The following DMD variants were observed in gnomAD, a reference collection of about 807,000 sequenced individuals.
DMD encodes dystrophin.
In DMD, 63 loss-of-function variants were observed where a neutral mutation model predicts 330.1. The ratio of observed to expected loss-of-function variants is 0.19; its 90% CI spans 0.16 to 0.24. The LOEUF (loss-of-function observed/expected upper bound fraction) is 0.24. DMD is among the 10% of genes least tolerant of loss of function. DMD has a pLI of 1.00. For missense variants in DMD, 3,344 were observed against 2,684.1 expected, an observed-to-expected ratio of 1.25 and a Z score of -5.43; for synonymous variants, 1,223 against 959.8, an observed-to-expected ratio of 1.27 and a Z score of -5.07.
chrX:31,969,644 G>A (rs1367487465), intron 44 of DMD, among the ~76,000 whole-genome samples: 3 of 111,576 alleles, frequency 2.7e-5, no homozygotes, highest in African/African-American at 9.8e-5. Flanking sequence ...TGAGACTGAG[G>A]TAAAGCTCCC....
chrX:31,632,479 T>C (rs760956622), intron 54 of DMD, among the ~76,000 whole-genome samples: 1 of 112,073 alleles, frequency 8.9e-6, no homozygotes, highest in East Asian at 2.8e-4. Context: ...AAGAACTCAG[T>C]CTTCTGCTAA....
intron 43 of DMD, among the ~76,000 whole-genome samples, chrX:32,225,159 G>T (rs1302337509): frequency 3.6e-5 from 4 of 111,988 alleles, no homozygotes; most frequent in Non-Finnish European, 5.6e-5. Context: ...ATCTACAGCA[G>T]GTATTGGCAA....
chrX:32,178,769 C>T (rs986372521), intron 44 of DMD, among the ~76,000 whole-genome samples: 20 of 109,823 alleles, frequency 1.8e-4, no homozygotes, highest in African/African-American at 6.6e-4. Context: ...TCCTCCAGGT[C>T]CATCCATGTT....
At chrX:31,977,428 G>A (rs2095443807) in intron 44 of DMD, among the ~76,000 whole-genome samples, 1 of 110,962 alleles carries the variant, frequency 9.0e-6, no homozygotes, top group Non-Finnish European at 1.9e-5. Flanking sequence ...AGAATGGGAA[G>A]GCCTAGAAAT....
At chrX:32,489,965 A>C (rs1195300364) in intron 20 of DMD, among the ~76,000 whole-genome samples, 1 of 112,067 alleles carries the variant, frequency 8.9e-6, no homozygotes, top group Non-Finnish European at 1.9e-5. Flanking sequence ...ATACTTTCTG[A>C]GTTTATTTCC....
intron 47 of DMD, among the ~76,000 whole-genome samples, chrX:31,914,764 C>T (rs972276592): frequency 9.8e-5 from 11 of 111,679 alleles, no homozygotes; most frequent in African/African-American, 2.6e-4. Flanking sequence ...GAGGGGGCAG[C>T]GGGATGGTTA....
chrX:32,694,987 G>A (rs1410523875), intron 9 of DMD, among the ~76,000 whole-genome samples: 1 of 111,964 alleles, frequency 8.9e-6, no homozygotes, highest in African/African-American at 3.2e-5. Flanking sequence ...AAAACGTATG[G>A]CATGAGGGAA....
intron 39 of DMD, 95 bp downstream of exon 39, chrX:32,345,848 A>AGC: frequency 1.1e-6 from 1 of 876,608 alleles, no homozygotes; most frequent in Non-Finnish European, 1.5e-6. Flanking sequence ...CTGATGACTA[A>AGC]GTCTGAAGCA....
chrX:32,257,169 C>T (rs758715290), intron 43 of DMD, among the ~76,000 whole-genome samples: 23 of 111,579 alleles, frequency 2.1e-4, no homozygotes, highest in Non-Finnish European at 3.4e-4. Flanking sequence ...TACGAAAGGA[C>T]GCAAACAAAT....
chrX:31,301,432 A>C (rs1477578085), intron 62 of DMD, among the ~76,000 whole-genome samples: 1 of 111,982 alleles, frequency 8.9e-6, no homozygotes, highest in African/African-American at 3.2e-5. Flanking sequence ...TCATGGCAGA[A>C]GGCAAAGGGG....
intron 1 of DMD, among the ~76,000 whole-genome samples, chrX:33,253,207 C>A (rs763682477): frequency 1.8e-5 from 2 of 111,379 alleles, no homozygotes; most frequent in Non-Finnish European, 3.8e-5. Context: ...GGATCCACCT[C>A]CTATTGAGAA....
intron 1 of DMD, among the ~76,000 whole-genome samples, chrX:33,326,830 G>A (rs1419107228): frequency 2.7e-5 from 3 of 110,691 alleles, no homozygotes; most frequent in Non-Finnish European, 5.7e-5. Flanking sequence ...GTCAGATATG[G>A]GGATCTAAAC....
chrX:32,616,690 CTTTTTTT>C (rs1173392895), intron 11 of DMD, among the ~76,000 whole-genome samples: 19 of 60,229 alleles, frequency 3.2e-4, no homozygotes, highest in South Asian at 1.6e-3. Flanking sequence ...GTTCTGGTTC[CTTTTTTT>C]TTTTTTTTTT....
chrX:32,492,782 A>C (rs2043131498), intron 19 of DMD, among the ~76,000 whole-genome samples: 1 of 112,355 alleles, frequency 8.9e-6, no homozygotes, highest in African/African-American at 3.2e-5. Context: ...ATGCATTTTT[A>C]AACATAGCTA....
intron 55 of DMD, among the ~76,000 whole-genome samples, chrX:31,552,402 G>T (rs781038870): frequency 9.0e-6 from 1 of 111,088 alleles, no homozygotes; most frequent in African/African-American, 3.3e-5. Flanking sequence ...TAATTTCCTG[G>T]GCTCAAGAGA....
intron 43 of DMD, among the ~76,000 whole-genome samples, chrX:32,228,309 C>T (rs914057737): frequency 9.0e-6 from 1 of 111,312 alleles, no homozygotes; most frequent in Non-Finnish European, 1.9e-5. Context: ...CAGCAGACAA[C>T]TGACAATGTA....
intron 1 of DMD, among the ~76,000 whole-genome samples, chrX:33,094,389 A>G (rs185981662): frequency 1.7e-3 from 191 of 112,376 alleles, no homozygotes; most frequent in African/African-American, 5.5e-3. Context: ...AAAGAGCCAG[A>G]GAAACATAGA....
chrX:31,954,995 G>A (rs1230043298), intron 45 of DMD, among the ~76,000 whole-genome samples: 2 of 87,048 alleles, frequency 2.3e-5, no homozygotes, highest in Non-Finnish European at 2.2e-5. Flanking sequence ...GTGAAATCCT[G>A]CCTCTACCAA....
chrX:31,815,644 T>A (rs2092606236), intron 50 of DMD, among the ~76,000 whole-genome samples: 2 of 111,610 alleles, frequency 1.8e-5, no homozygotes, highest in Admixed American at 1.9e-4. Context: ...AATGTAGTGA[T>A]TTGTGTATAA....
Sources: allele counts gnomAD v4.1 joint callset (sites outside exome capture counted in the v4.1 genomes callset), GRCh38; gene constraint gnomAD v4.1.1; transcripts MANE v1.5; gene names NCBI Gene and HGNC (gene_info 2026-07-23, HGNC 2026-07-21).